Variants in WWOX observed in about 807,000 individuals in gnomAD.
The protein encoded by WWOX is WW domain-containing oxidoreductase.
In WWOX, 69 loss-of-function variants were observed where a neutral mutation model predicts 46.2. The observed-to-expected ratio is 1.49, with a 90% CI of 1.23 to 1.82. The LOEUF (loss-of-function observed/expected upper bound fraction) is 1.82, where lower values mean the gene tolerates loss of function less well. Among genes scored for constraint, WWOX ranks in the 40% most tolerant of loss-of-function variants. The probability of loss-of-function intolerance (pLI) is 0.00; values close to 1 mark genes in which losing one functional copy is unlikely to be tolerated. For missense variants in WWOX, 919 were observed against 542.6 expected (o/e 1.69, Z -6.89); for synonymous variants, 359 against 202.6 (o/e 1.77, Z -6.56).
chr16:78,615,280 G>A (rs1459826901), intron 8 of WWOX, among the ~76,000 whole-genome samples: 5 of 152,098 alleles, frequency 3.3e-5, no homozygotes, highest in Admixed American at 1.3e-4. Context: ...TGCTACAGAC[G>A]TCAGGTCCCC....
chr16:78,705,828 T>A lies in WWOX; in HGVS notation c.1056+273076T>A, dbSNP rs1293340545. On this transcript the variant is annotated intron_variant, in intron 8 of 8. Transcript: ENST00000566780. ...AAACAAGAATAAAACAAAAACCCTATTCCTATTCCTACAATTCTGGTACTT... is the reference window on the plus strand; with the variant it reads ...AAACAAGAATAAAACAAAAACCCTAATCCTATTCCTACAATTCTGGTACTT... Among the ~76,000 whole-genome samples the A allele has an allele frequency of 3.3e-5, 5 of 152,316 alleles. No homozygotes were observed. The East Asian group carries it at 9.6e-4, about 29-fold the overall frequency.
chr16:78,208,872 C>G (rs529935317), intron 5 of WWOX, among the ~76,000 whole-genome samples: 1 of 152,184 alleles, frequency 6.6e-6, no homozygotes, highest in Non-Finnish European at 1.5e-5. Context: ...TGCTCCATCT[C>G]TGACAATTAA....
At position 78,953,085 on chromosome 16, in the gene WWOX, C is replaced by G. The variant is rs140080856; in HGVS notation, c.1057-258523C>G. 2.9e-3 allele frequency among the ~76,000 whole-genome samples: 434 copies of G among 151,692 alleles called. 4 individuals carry two copies. Among genetic ancestry groups the G allele is most frequent in the African/African-American group, 0.01 (424 of 41,318 alleles). ...GGTGGTGGACAATCTGACCATATAC[C>G]AACCAAATTGACTGTTAAATTCAAT... On this transcript the variant is annotated intron_variant, in intron 8 of 8. Coordinates refer to ENST00000566780, the MANE Select transcript of WWOX (RefSeq NM_016373.4).
intron 8 of WWOX, among the ~76,000 whole-genome samples, chr16:78,536,499 G>A (rs1200626670): frequency 6.6e-6 from 1 of 152,140 alleles, no homozygotes; most frequent in Non-Finnish European, 1.5e-5. Context: ...CTCTGGAGGT[G>A]AAGAGGGAAG....
intron 8 of WWOX, among the ~76,000 whole-genome samples, chr16:79,180,773 T>A (rs190111873): frequency 2.6e-5 from 4 of 152,044 alleles, no homozygotes; most frequent in African/African-American, 9.7e-5. Flanking sequence ...ATCCATCCAT[T>A]CATCAATCCA....
chr16:78,208,584 A>C (rs986311633), intron 5 of WWOX, among the ~76,000 whole-genome samples: 6 of 152,242 alleles, frequency 3.9e-5, no homozygotes, highest in African/African-American at 1.4e-4. Flanking sequence ...GCATAAATGC[A>C]TGCGTTCATT....
intron 8 of WWOX, among the ~76,000 whole-genome samples, chr16:78,725,417 G>A (rs2048805669): frequency 1.4e-5 from 2 of 141,098 alleles, no homozygotes; most frequent in South Asian, 4.4e-4. Context: ...GTGCAATCTG[G>A]GCTCCCTGCA....
chr16:78,479,725 A>G (rs1445689659), intron 8 of WWOX, among the ~76,000 whole-genome samples: 2 of 152,218 alleles, frequency 1.3e-5, no homozygotes, highest in East Asian at 1.9e-4. Context: ...GACACGAAAT[A>G]TAGTGACAGC....
intron 8 of WWOX, among the ~76,000 whole-genome samples, chr16:78,516,711 T>C (rs2043243190): frequency 6.6e-6 from 1 of 152,220 alleles, no homozygotes; most frequent in East Asian, 1.9e-4. Flanking sequence ...CCAGCTGAAA[T>C]GATCCTTACT....
chr16:78,616,779 A>G (rs72805015), intron 8 of WWOX, among the ~76,000 whole-genome samples: 7,620 of 151,698 alleles, frequency 0.05, 293 homozygotes, highest in Non-Finnish European at 0.074. Context: ...CACTAATAAT[A>G]ATAAAGTAAA....
chr16:79,080,852 A>T (rs1000778423), intron 8 of WWOX, among the ~76,000 whole-genome samples: 2 of 152,162 alleles, frequency 1.3e-5, no homozygotes, highest in South Asian at 4.1e-4. Flanking sequence ...TTATTCTAAG[A>T]GCAAAGGCAT....
At chr16:78,596,478 G>A (rs569236533) in intron 8 of WWOX, among the ~76,000 whole-genome samples, 14 of 150,452 alleles carry the variant, frequency 9.3e-5, no homozygotes, top group African/African-American at 2.9e-4. Context: ...CCAGCAGGGC[G>A]TATCAGGGGT....
chr16:78,946,389 C>G (rs1270525583), intron 8 of WWOX, among the ~76,000 whole-genome samples: 1 of 152,010 alleles, frequency 6.6e-6, no homozygotes, highest in Non-Finnish European at 1.5e-5. Flanking sequence ...CGGGGTTTCA[C>G]CATGTTGGCC....
At chr16:78,900,741 G>C (rs763041720) in intron 8 of WWOX, among the ~76,000 whole-genome samples, 43 of 151,086 alleles carry the variant, frequency 2.8e-4, no homozygotes, top group Non-Finnish European at 5.3e-4. Flanking sequence ...AATTCTACTA[G>C]TACCACTTTC....
At chr16:78,331,587 C>A (rs533411230) in intron 5 of WWOX, among the ~76,000 whole-genome samples, 1 of 152,150 alleles carries the variant, frequency 6.6e-6, no homozygotes, top group Non-Finnish European at 1.5e-5. Context: ...CAGACGTGGC[C>A]CTGTAACCAC....
chr16:78,108,721 C>T lies in WWOX; in HGVS notation c.172+234C>T, dbSNP rs139899702. 6.0e-3 allele frequency among the ~76,000 whole-genome samples: 910 copies of T among 152,326 alleles called. 11 individuals carry two copies. The highest frequency in any genetic ancestry group is 0.021 in the African/African-American group (879 of 41,584). ...GTACCAAAATGGCCAGATGTGGTGG[C>T]TCATGCCTGTAATCCCAGCACTTCG... On this transcript the variant is annotated intron_variant, in intron 2 of 8. Transcript: ENST00000566780.
intron 8 of WWOX, among the ~76,000 whole-genome samples, chr16:78,450,240 T>G (rs556881177): frequency 3.3e-5 from 5 of 152,182 alleles, no homozygotes; most frequent in Non-Finnish European, 7.4e-5. Context: ...TTTGAACCAC[T>G]TTAAACATTG....
At chr16:78,158,003 A>G (rs902540995) in intron 4 of WWOX, among the ~76,000 whole-genome samples, 3 of 152,196 alleles carry the variant, frequency 2.0e-5, no homozygotes, top group Non-Finnish European at 2.9e-5. Flanking sequence ...ACGATAACTG[A>G]GTTTCACATG....
intron 8 of WWOX, among the ~76,000 whole-genome samples, chr16:78,816,465 C>G (rs1276066767): frequency 6.9e-6 from 1 of 144,930 alleles, no homozygotes; most frequent in Non-Finnish European, 1.5e-5. Flanking sequence ...CAAAATCCTG[C>G]CAATTACTGA....
Sources: allele counts gnomAD v4.1 joint callset (sites outside exome capture counted in the v4.1 genomes callset), GRCh38; gene constraint gnomAD v4.1.1; transcripts MANE v1.5; gene names NCBI Gene and HGNC (gene_info 2026-07-23, HGNC 2026-07-21).